The following FAM234B variants were observed in gnomAD, a reference collection of about 807,000 sequenced individuals.
FAM234B encodes protein FAM234B.
FAM234B carries 33 observed loss-of-function variants against 69.3 expected under a neutral mutation model. That is an observed-to-expected ratio of 0.48 (90% CI 0.36 to 0.64). The LOEUF (loss-of-function observed/expected upper bound fraction) is 0.64. Among genes scored for constraint, FAM234B ranks in the 30% least tolerant of loss-of-function variants. The probability of loss-of-function intolerance (pLI) is 0.00; values close to 1 mark genes in which losing one functional copy is unlikely to be tolerated. For missense variants in FAM234B, 697 were observed against 769.7 expected (o/e 0.91, Z 1.12); for synonymous variants, 306 against 306.9 (o/e 1.00, Z 0.03).
intron 3 of FAM234B, among the ~76,000 whole-genome samples, chr12:13,059,417 C>T (rs923064472): frequency 1.3e-5 from 2 of 152,218 alleles, no homozygotes; most frequent in African/African-American, 4.8e-5. Context: ...CCACAACTTA[C>T]CCTCATTTAG....
intron 11 of FAM234B, among the ~76,000 whole-genome samples, chr12:13,079,297 C>A (rs1865197419): frequency 6.6e-6 from 1 of 152,144 alleles, no homozygotes; most frequent in Non-Finnish European, 1.5e-5. Flanking sequence ...AGAAAGGATT[C>A]CCTATTTAAT....
chr12:13,074,497 G>A (rs1161910724), intron 10 of FAM234B, among the ~76,000 whole-genome samples: 1 of 152,130 alleles, frequency 6.6e-6, no homozygotes, highest in African/African-American at 2.4e-5. Context: ...CAGTCTAAGA[G>A]GCAAATAAGA....
At position 13,058,431 on chromosome 12, in the gene FAM234B, G is replaced by T. The variant is rs199653451; in HGVS notation, c.434-20G>T. On this transcript the variant is annotated intron_variant, in intron 2 of 12. Coordinates refer to ENST00000197268, the MANE Select transcript of FAM234B (RefSeq NM_020853.2). The stretch of plus-strand genomic sequence containing the variant: ...TGGTAACTTGCTCAGGACCTTTTTG[G>T]TTTTTTATGTGTATAACAGGTGGGG... 8 of 1,611,116 alleles carry T rather than the reference G, an allele frequency of 5.0e-6. No homozygotes were observed. The highest frequency in any genetic ancestry group is 4.5e-5 in the East Asian group (2 of 44,836).
chr12:13,073,699 C>T (rs1436309139), intron 10 of FAM234B, among the ~76,000 whole-genome samples: 1 of 152,146 alleles, frequency 6.6e-6, no homozygotes, highest in Non-Finnish European at 1.5e-5. Context: ...CCACCCATCC[C>T]GTGGAAAGTT....
At chr12:13,077,284 T>C (rs1865172376) in intron 11 of FAM234B, among the ~76,000 whole-genome samples, 1 of 152,136 alleles carries the variant, frequency 6.6e-6, no homozygotes, top group South Asian at 2.1e-4. Context: ...TTTATTATTA[T>C]TATACTTTAA....
At chr12:13,055,973 T>A (rs757671190) in intron 2 of FAM234B, 27 bp downstream of exon 2, 1 of 1,513,008 alleles carries the variant, frequency 6.6e-7, no homozygotes, top group Non-Finnish European at 8.8e-7. Context: ...TCAGCCCTAA[T>A]CCTGTGAAAC....
intron 5 of FAM234B, among the ~76,000 whole-genome samples, chr12:13,064,238 A>G (rs2120477508): frequency 6.6e-6 from 1 of 152,352 alleles, no homozygotes; most frequent in East Asian, 1.9e-4. Flanking sequence ...AGTTGGTCTC[A>G]AAGTGGACCC....
chr12:13,076,127 A>C lies in FAM234B; in HGVS notation c.1626A>C (p.Thr542=). Residue 542 remains threonine, a synonymous_variant, in exon 11 of 13, where the codon ACA becomes ACC. Transcript: ENST00000197268. ...TGGATCTGGCCAACACCACCGGCACAGTGACGGCTTCAGAGGGTGAGTCCC... is the reference window on the plus strand; with the variant it reads ...TGGATCTGGCCAACACCACCGGCACCGTGACGGCTTCAGAGGGTGAGTCCC... ...ILLDLANTTG[T]VTASEVGIND... 6.2e-7 allele frequency: 1 copy of C among 1,613,402 alleles called. No homozygotes were observed. Among genetic ancestry groups the C allele is most frequent in the East Asian group, 2.2e-5 (1 of 44,864 alleles).
intron 3 of FAM234B, among the ~76,000 whole-genome samples, chr12:13,059,974 A>G (rs569192799): frequency 3.3e-5 from 5 of 152,376 alleles, no homozygotes; most frequent in African/African-American, 1.2e-4. Flanking sequence ...CACAGACTGT[A>G]CAAATAAGGA....
rs371595542 is a variant in FAM234B, at chr12:13,079,925, G to C, written c.1779G>C (p.Gln593His). Reference sequence around the variant, plus strand: ...CACTAATGGAGGGCCAGATGGCTCAGCTACAGGAGTCCACCCCCAAAATTG... The same window carrying C: ...CACTAATGGAGGGCCAGATGGCTCACCTACAGGAGTCCACCCCCAAAATTG... ...RWALMEGQMA[Q>H]LQESTPKIGR... The change falls in exon 12 of 13, where the codon CAG (glutamine) becomes CAC (histidine). Residue 593 changes from glutamine (Q) to histidine (H), a missense_variant. By Grantham distance (24) the Gln-to-His change is conservative. This residue lies in a region of FAM234B where 313 missense variants were observed against 305.5 expected (regional missense o/e 1.02). Transcript: ENST00000197268. 9.3e-6 allele frequency: 15 copies of C among 1,613,954 alleles called. No individual in the cohort carries two copies. The highest frequency in any genetic ancestry group is 1.3e-5 in the Non-Finnish European group (15 of 1,179,980).
At chr12:13,056,212 G>A (rs1864929469) in intron 2 of FAM234B, among the ~76,000 whole-genome samples, 1 of 152,146 alleles carries the variant, frequency 6.6e-6, no homozygotes, top group Non-Finnish European at 1.5e-5. Context: ...CTGGATTCCT[G>A]CTGTGGAGCC....
At position 13,044,543 on chromosome 12, in the gene FAM234B, G is replaced by T; in HGVS notation, c.37+103G>T. On this transcript the variant is annotated intron_variant, in intron 1 of 12. Coordinates refer to ENST00000197268, the MANE Select transcript of FAM234B (RefSeq NM_020853.2). The surrounding 1 kb of genome is among the most constrained non-coding windows in gnomAD (Gnocchi z 5.6). ...CCGGTCGGGCCCTGGCCTCAACCCAGACTCAGCTGCAGGCGCCCGGTGCCG... is the reference window on the plus strand; with the variant it reads ...CCGGTCGGGCCCTGGCCTCAACCCATACTCAGCTGCAGGCGCCCGGTGCCG... The T allele has an allele frequency of 7.6e-7, 1 of 1,314,672 alleles. No individual in the cohort carries two copies. Among genetic ancestry groups the T allele is most frequent in the South Asian group, 1.3e-5 (1 of 76,604 alleles). 81.4% of individuals were successfully genotyped at this position (1,314,672 alleles called of 1,614,324 possible). A position where few individuals can be genotyped will look rare whatever the true frequency, so the allele number is the denominator to read the frequency against.
chr12:13,069,614 C>T (rs1035851172), intron 9 of FAM234B, among the ~76,000 whole-genome samples: 1 of 151,858 alleles, frequency 6.6e-6, no homozygotes, highest in African/African-American at 2.4e-5. Context: ...AGCTGGAGGG[C>T]CAGGGAGGCA....
At chr12:13,058,633 G>T in intron 3 of FAM234B, 84 bp downstream of exon 3, 2 of 1,143,664 alleles carry the variant, frequency 1.7e-6, no homozygotes, top group Non-Finnish European at 1.3e-6. Flanking sequence ...AAGTGGTACT[G>T]CAGAGAAGGA....
intron 11 of FAM234B, 128 bp downstream of exon 11, chr12:13,076,271 T>A (rs1865159675): frequency 1.4e-6 from 1 of 702,310 alleles, no homozygotes; most frequent in African/African-American, 1.7e-5. Flanking sequence ...CAGGGCACTT[T>A]CCCTGGTGTC....
chr12:13,074,616 G>A (rs184830669), intron 10 of FAM234B, among the ~76,000 whole-genome samples: 16 of 152,276 alleles, frequency 1.1e-4, no homozygotes, highest in Admixed American at 2.6e-4. Flanking sequence ...TCTGGAAAAG[G>A]CATATTTTGG....
Position 13,080,777 on chromosome 12 carries a change from T to C in FAM234B, c.*147T>C, listed in dbSNP as rs1865217213. ...ATGGTTGCAAAGGCTTGGGAAGGCA[T>C]GTTGGAGTCTTTGACGGCAGCATGA... is the stretch of plus-strand genomic sequence containing the variant. On this transcript the variant is annotated 3_prime_UTR_variant, in exon 13 of 13. Coordinates refer to ENST00000197268, the MANE Select transcript of FAM234B (RefSeq NM_020853.2). 1 of 641,204 alleles carries C rather than the reference T, an allele frequency of 1.6e-6. No homozygotes were observed. The allele number at this position is 641,204 out of a possible 1,614,324, so 39.7% of individuals were successfully genotyped here. A position where few individuals can be genotyped will look rare whatever the true frequency, so the allele number is the denominator to read the frequency against.
At chr12:13,059,715 A>G (rs1872630) in intron 3 of FAM234B, among the ~76,000 whole-genome samples, 149,860 of 152,312 alleles carry the variant, frequency 0.98, 73,769 homozygotes, top group South Asian at 1. Flanking sequence ...TGAGGCCCAC[A>G]TGAGATGTGG....
At position 13,079,882 on chromosome 12, in the gene FAM234B, A is replaced by C; in HGVS notation, c.1736A>C (p.Lys579Thr). 1 of 1,614,092 alleles carries C rather than the reference A, an allele frequency of 6.2e-7. No homozygotes were observed. The highest frequency in any genetic ancestry group is 1.1e-5 in the South Asian group (1 of 91,062). The change falls in exon 12 of 13, where the codon AAG (lysine) becomes ACG (threonine). Residue 579 changes from lysine to threonine, a missense_variant. By Grantham distance (78) the Lys-to-Thr change is moderately conservative (BLOSUM62 -1). Transcript: ENST00000197268. ...CATCCAGCAGCCCTGGTGGTCAGCA[A>C]GCTTAGTCTACGGTGGGCACTAATG... ...EGHPAALVVS[K>T]LSLRWALMEG... is the part of the protein sequence containing the mutation.
Sources: allele counts gnomAD v4.1 joint callset (sites outside exome capture counted in the v4.1 genomes callset), GRCh38; gene constraint gnomAD v4.1.1; regional missense constraint gnomAD v4.1.1; non-coding constraint Gnocchi (gnomAD v3.1); transcripts MANE v1.5; gene names NCBI Gene and HGNC (gene_info 2026-07-23, HGNC 2026-07-21).